Variants in SCAF11 observed in about 807,000 individuals in gnomAD.
SCAF11 encodes protein SCAF11.
SCAF11 carries 47 observed loss-of-function variants against 140.5 expected under a neutral mutation model. The observed-to-expected ratio is 0.33, with a 90% CI of 0.26 to 0.43. The LOEUF (loss-of-function observed/expected upper bound fraction) is 0.43, where lower values mean the gene tolerates loss of function less well. Among genes scored for constraint, SCAF11 ranks in the 20% least tolerant of loss-of-function variants. The probability of loss-of-function intolerance (pLI) is 1.00; values close to 1 mark genes in which losing one functional copy is unlikely to be tolerated. For missense variants in SCAF11, 1,645 were observed against 1,705.1 expected (o/e 0.96, Z 0.62); for synonymous variants, 557 against 579.4 (o/e 0.96, Z 0.55).
chr12:45,976,548 T>A (rs954492473), intron 1 of SCAF11, among the ~76,000 whole-genome samples: 2 of 152,110 alleles, frequency 1.3e-5, no homozygotes, highest in African/African-American at 2.4e-5. Context: ...GGGTAACTAC[T>A]ATACCCAGTT....
Position 45,928,307 on chromosome 12 carries a change from T to C in SCAF11, c.1394A>G (p.Asp465Gly), listed in dbSNP as rs1303436337. The C allele has an allele frequency of 6.2e-7, 1 of 1,614,064 alleles. No individual in the cohort carries two copies. Among genetic ancestry groups the C allele is most frequent in the Non-Finnish European group, 8.5e-7 (1 of 1,179,990 alleles). The change falls in exon 11 of 15, where the codon GAT (aspartate) becomes GGT (glycine). Residue 465 changes from aspartate to glycine, a missense_variant. By Grantham distance (94) the Asp-to-Gly change is moderately conservative. Transcript: ENST00000369367. ...TGAAGATCCTACTCTTTCCTCTGTA[T>C]CATAATTTGCAGTATGCTTCTCACT... ...EESEKHTANYDTEERVGSSSS... is the reference protein window; with the variant it reads ...EESEKHTANYGTEERVGSSSS...
chr12:45,927,167 T>C lies in SCAF11; in HGVS notation c.2534A>G (p.Lys845Arg). 1 of 1,614,040 alleles carries C rather than the reference T, an allele frequency of 6.2e-7. No homozygotes were observed. ...PKNESARGRK[K>R]SRSQSPKKDI... ...CTTTTTTGGGGACTGAGAACGGGAT[T>C]TTTTCCGGCCTCTGGCTGACTCATT... Residue 845 changes from lysine (K) to arginine (R), a missense_variant, in exon 11 of 15, where the codon AAA becomes AGA. Physicochemically the swap from Lys to Arg is conservative, Grantham distance 26. This residue lies in a region of SCAF11 where 1,582 missense variants were observed against 1,609.2 expected (regional missense o/e 0.98). Transcript: ENST00000369367.
intron 1 of SCAF11, among the ~76,000 whole-genome samples, chr12:45,982,785 G>A (rs557101368): frequency 4.6e-5 from 7 of 152,230 alleles, no homozygotes; most frequent in Admixed American, 1.3e-4. Context: ...TGTTTTGGCC[G>A]CTGTCTTTCA....
At chr12:45,955,112 T>C (rs1945653751) in intron 3 of SCAF11, 1 of 152,116 alleles carries the variant, frequency 6.6e-6, no homozygotes, top group Non-Finnish European at 1.5e-5. Flanking sequence ...CTAAAGATAA[T>C]TTAGTTAACA....
intron 4 of SCAF11, among the ~76,000 whole-genome samples, chr12:45,950,895 A>C (rs1310220755): frequency 1.3e-5 from 2 of 152,048 alleles, no homozygotes; most frequent in Admixed American, 1.3e-4. Context: ...TCTCCTATTA[A>C]CGGCATCACT....
chr12:45,940,015 G>A (rs150991524), intron 6 of SCAF11, among the ~76,000 whole-genome samples: 4 of 152,110 alleles, frequency 2.6e-5, no homozygotes, highest in South Asian at 4.1e-4. Flanking sequence ...TTTCTGTTGC[G>A]TGACAGACTC....
chr12:45,935,959 T>A (rs1216568988), intron 6 of SCAF11, among the ~76,000 whole-genome samples: 1 of 152,198 alleles, frequency 6.6e-6, no homozygotes, highest in East Asian at 1.9e-4. Flanking sequence ...TTAATTTTTA[T>A]CAAAGTAATG....
At chr12:45,933,683 C>G (rs1161839350) in intron 8 of SCAF11, among the ~76,000 whole-genome samples, 1 of 152,044 alleles carries the variant, frequency 6.6e-6, no homozygotes, top group Non-Finnish European at 1.5e-5. Context: ...TTTCTTGGTA[C>G]CTTGCCAAGT....
intron 10 of SCAF11, among the ~76,000 whole-genome samples, chr12:45,930,445 G>GTTTTTTTTTTT (rs1262102132): frequency 6.5e-5 from 8 of 123,708 alleles, no homozygotes; most frequent in African/African-American, 2.4e-4. Context: ...GTTGTGTTTT[G>GTTTTTTTTTTT]TTTTTTTTTT....
chr12:45,963,693 G>A (rs1222240681), intron 2 of SCAF11, among the ~76,000 whole-genome samples: 2 of 152,036 alleles, frequency 1.3e-5, no homozygotes, highest in African/African-American at 4.8e-5. Context: ...TCAAATAATG[G>A]AACTATAACC....
chr12:45,968,013 C>T (rs1945990468), intron 1 of SCAF11, among the ~76,000 whole-genome samples: 1 of 152,130 alleles, frequency 6.6e-6, no homozygotes, highest in Non-Finnish European at 1.5e-5. Context: ...TGGTCAATAG[C>T]CCTAAGAGGT....
At chr12:45,991,452 C>T (rs1015705796), upstream of SCAF11, among the ~76,000 whole-genome samples, 1 of 152,158 alleles carries the variant, frequency 6.6e-6, no homozygotes, top group Non-Finnish European at 1.5e-5. Context: ...GTCCCAGCTC[C>T]TCGGGAAGAT....
intron 1 of SCAF11, among the ~76,000 whole-genome samples, chr12:45,964,484 G>A (rs1201177499): frequency 6.6e-6 from 1 of 152,032 alleles, no homozygotes; most frequent in Non-Finnish European, 1.5e-5. Context: ...TGGCTAACAC[G>A]GTGAAACCCT....
intron 1 of SCAF11, among the ~76,000 whole-genome samples, chr12:45,968,011 A>C (rs1945990416): frequency 6.6e-6 from 1 of 152,242 alleles, no homozygotes; most frequent in African/African-American, 2.4e-5. Context: ...TGTGGTCAAT[A>C]GCCCTAAGAG....
chr12:45,964,860 G>C (rs1302737884), intron 1 of SCAF11, among the ~76,000 whole-genome samples: 1 of 152,128 alleles, frequency 6.6e-6, no homozygotes, highest in African/African-American at 2.4e-5. Context: ...ACACAGTATG[G>C]AGAAATACAA....
In SCAF11 at chr12:45,926,264, G is replaced by A. The variant is rs1270793422; in HGVS notation, c.3437C>T (p.Ser1146Phe). Residue 1146 changes from serine (S) to phenylalanine (F), a missense_variant, in exon 11 of 15, where the codon TCC becomes TTC. Ser to Phe is a radical substitution (Grantham distance 155). This residue lies in a region of SCAF11 where 1,582 missense variants were observed against 1,609.2 expected (regional missense o/e 0.98). Coordinates refer to ENST00000369367, the MANE Select transcript of SCAF11 (RefSeq NM_004719.3). Reference sequence around the variant, plus strand: ...CAAAGTCTTTCTCACGGCCCAGCTGGATGCAGATGTCCATCCAGATCTATC... The same window carrying A: ...CAAAGTCTTTCTCACGGCCCAGCTGAATGCAGATGTCCATCCAGATCTATC... ...PADRSGWTSASSWAVRKTLPA... is the reference protein window; with the variant it reads ...PADRSGWTSAFSWAVRKTLPA... The A allele has an allele frequency of 1.2e-6, 2 of 1,614,156 alleles. No individual in the cohort carries two copies. The highest frequency in any genetic ancestry group is 1.7e-6 in the Non-Finnish European group (2 of 1,180,024).
At chr12:45,962,122 C>A (rs1945847044) in intron 2 of SCAF11, among the ~76,000 whole-genome samples, 1 of 152,092 alleles carries the variant, frequency 6.6e-6, no homozygotes, top group Admixed American at 6.6e-5. Flanking sequence ...AATTTAAGAG[C>A]AAATTTCTCA....
intron 1 of SCAF11, among the ~76,000 whole-genome samples, chr12:45,980,143 G>A (rs1334975432): frequency 6.6e-6 from 1 of 152,154 alleles, no homozygotes; most frequent in Non-Finnish European, 1.5e-5. Context: ...CGAAAAGCCA[G>A]CATTAAGTAG....
intron 5 of SCAF11, among the ~76,000 whole-genome samples, chr12:45,947,745 T>C (rs1399960211): frequency 3.9e-5 from 6 of 152,304 alleles, no homozygotes; most frequent in South Asian, 2.1e-4. Flanking sequence ...GGTGTGATCA[T>C]AGCTCACTGC....
Sources: allele counts gnomAD v4.1 joint callset (sites outside exome capture counted in the v4.1 genomes callset), GRCh38; gene constraint gnomAD v4.1.1; regional missense constraint gnomAD v4.1.1; transcripts MANE v1.5; gene names NCBI Gene and HGNC (gene_info 2026-07-23, HGNC 2026-07-21).